Variants in NRXN3 observed in about 807,000 individuals in gnomAD.
NRXN3 encodes the protein neurexin III.
In NRXN3, 32 loss-of-function variants were observed where a neutral mutation model predicts 137.6. The observed-to-expected ratio is 0.23, with a 90% CI of 0.18 to 0.31. The LOEUF (loss-of-function observed/expected upper bound fraction) is 0.31. NRXN3 is among the 10% of genes least tolerant of loss of function. NRXN3 has a pLI of 1.00. For missense variants in NRXN3, 1,574 were observed against 2,062.5 expected, an observed-to-expected ratio of 0.76 and a Z score of 4.59; for synonymous variants, 798 against 784.5, an observed-to-expected ratio of 1.02 and a Z score of -0.29.
chr14:79,845,249 T>C (rs2099364583), intron 20 of NRXN3, among the ~76,000 whole-genome samples: 1 of 152,250 alleles, frequency 6.6e-6, no homozygotes, highest in South Asian at 2.1e-4. Flanking sequence ...AAGGCTGTTT[T>C]ACTTTCTTAT....
intron 16 of NRXN3, among the ~76,000 whole-genome samples, chr14:79,521,147 T>C (rs2097060121): frequency 6.6e-6 from 1 of 152,316 alleles, no homozygotes; most frequent in South Asian, 2.1e-4. Flanking sequence ...AATAGGTATA[T>C]TAAGCCAGTT....
At chr14:78,635,148 C>A (rs2097556757) in intron 4 of NRXN3, among the ~76,000 whole-genome samples, 1 of 152,078 alleles carries the variant, frequency 6.6e-6, no homozygotes, top group South Asian at 2.1e-4. Context: ...AATCTAATTG[C>A]AGATTTATTA....
At chr14:78,310,260 CTTTTTTTTTTT>C (rs201314931) in intron 4 of NRXN3, among the ~76,000 whole-genome samples, 1 of 125,720 alleles carries the variant, frequency 8.0e-6, no homozygotes, top group Admixed American at 8.4e-5. Flanking sequence ...TTATGAATGG[CTTTTTTTTTTT>C]TTTTTTTTTT....
At chr14:78,694,727 A>T (rs899461558) in intron 6 of NRXN3, among the ~76,000 whole-genome samples, 1 of 151,914 alleles carries the variant, frequency 6.6e-6, no homozygotes, top group Non-Finnish European at 1.5e-5. Context: ...GATGCATCCT[A>T]GGAGTGGATT....
chr14:79,332,469 C>T (rs1323202391), intron 15 of NRXN3, among the ~76,000 whole-genome samples: 1 of 152,178 alleles, frequency 6.6e-6, no homozygotes, highest in African/African-American at 2.4e-5. Flanking sequence ...GTTTCCTCTG[C>T]TAAGAATGTC....
intron 4 of NRXN3, among the ~76,000 whole-genome samples, chr14:78,379,595 T>C (rs2088652205): frequency 6.6e-6 from 1 of 152,182 alleles, no homozygotes; most frequent in Non-Finnish European, 1.5e-5. Flanking sequence ...AAAATAGTAA[T>C]AGAGGGAAAC....
intron 15 of NRXN3, among the ~76,000 whole-genome samples, chr14:79,120,703 C>T (rs2055261289): frequency 6.6e-6 from 1 of 151,964 alleles, no homozygotes; most frequent in African/African-American, 2.4e-5. Flanking sequence ...CTTCTTTGAA[C>T]ATATTTTATT....
intron 15 of NRXN3, among the ~76,000 whole-genome samples, chr14:79,315,664 G>T (rs985736926): frequency 1.3e-5 from 2 of 152,142 alleles, no homozygotes; most frequent in African/African-American, 2.4e-5. Context: ...CAAAACTTAT[G>T]TAGTTTTTCC....
At chr14:79,707,130 A>G (rs567456606) in intron 19 of NRXN3, among the ~76,000 whole-genome samples, 85 of 152,242 alleles carry the variant, frequency 5.6e-4, no homozygotes, top group Non-Finnish European at 9.9e-4. Flanking sequence ...AATTTGAAAA[A>G]ACATTGATGA....
intron 20 of NRXN3, among the ~76,000 whole-genome samples, chr14:79,841,737 T>A (rs2293838): frequency 6.6e-6 from 1 of 152,228 alleles, no homozygotes; most frequent in Non-Finnish European, 1.5e-5. Flanking sequence ...CCTACACAAC[T>A]GCAAAAGGAA....
chr14:78,455,398 T>G (rs2094668297), intron 4 of NRXN3, among the ~76,000 whole-genome samples: 1 of 152,170 alleles, frequency 6.6e-6, no homozygotes, highest in Non-Finnish European at 1.5e-5. Flanking sequence ...GGAGAGCTCC[T>G]GGGCAGGGCA....
intron 16 of NRXN3, among the ~76,000 whole-genome samples, chr14:79,591,554 CAG>C (rs2097803603): frequency 6.6e-6 from 1 of 152,142 alleles, no homozygotes; most frequent in South Asian, 2.1e-4. Context: ...CACAGATTTT[CAG>C]AGAGATGATT....
chr14:79,709,683 G>C (rs1387936997), intron 19 of NRXN3, among the ~76,000 whole-genome samples: 1 of 152,018 alleles, frequency 6.6e-6, no homozygotes, highest in Non-Finnish European at 1.5e-5. Flanking sequence ...TACTGAGAGA[G>C]ACACATATTC....
At chr14:79,606,848 A>G (rs965424896) in intron 16 of NRXN3, among the ~76,000 whole-genome samples, 3 of 152,242 alleles carry the variant, frequency 2.0e-5, no homozygotes, top group African/African-American at 7.2e-5. Flanking sequence ...AATAGCGTGG[A>G]CACACATTCA....
intron 19 of NRXN3, among the ~76,000 whole-genome samples, chr14:79,779,305 G>C (rs1245085357): frequency 6.6e-6 from 1 of 152,124 alleles, no homozygotes; most frequent in Non-Finnish European, 1.5e-5. Context: ...TAGAGACAGG[G>C]TTTCTCCATG....
At chr14:79,262,858 CGAA>C (rs1173320968) in intron 15 of NRXN3, among the ~76,000 whole-genome samples, 1 of 152,042 alleles carries the variant, frequency 6.6e-6, no homozygotes, top group African/African-American at 2.4e-5. Context: ...AGGTACAAAG[CGAA>C]GAAGGAGGTG....
chr14:78,354,961 C>A (rs898288137), intron 4 of NRXN3, among the ~76,000 whole-genome samples: 10 of 152,116 alleles, frequency 6.6e-5, no homozygotes, highest in African/African-American at 2.4e-4. Flanking sequence ...GGGAGTGACA[C>A]CGAACAAGGT....
intron 2 of NRXN3, among the ~76,000 whole-genome samples, chr14:78,250,565 G>A (rs2068449255): frequency 6.6e-6 from 1 of 152,240 alleles, no homozygotes; most frequent in African/African-American, 2.4e-5. Context: ...CAATGGTTAT[G>A]ACTGCGGGAT....
chr14:79,523,729 G>C (rs569256672), intron 16 of NRXN3, among the ~76,000 whole-genome samples: 2 of 152,312 alleles, frequency 1.3e-5, no homozygotes, highest in South Asian at 4.1e-4. Context: ...GCTCAAGGCG[G>C]AGTTGAGATT....
Sources: allele counts gnomAD v4.1 joint callset (sites outside exome capture counted in the v4.1 genomes callset), GRCh38; gene constraint gnomAD v4.1.1; transcripts MANE v1.5; gene names NCBI Gene and HGNC (gene_info 2026-07-23, HGNC 2026-07-21).